Variants in DECR1 observed in about 807,000 individuals in gnomAD.
DECR1 encodes 2,4-dienoyl-CoA reductase [(3E)-enoyl-CoA-producing], mitochondrial.
In DECR1, 44 loss-of-function variants were observed where a neutral mutation model predicts 38.8. The observed-to-expected ratio is 1.13, with a 90% CI of 0.89 to 1.46. DECR1 has a LOEUF of 1.46. DECR1 is among the 40% of genes most tolerant of loss of function. The pLI is 0.00. For synonymous variants in DECR1, 148 were observed against 135.2 expected (o/e 1.09, Z -0.66); for missense variants, 428 against 405.5 (o/e 1.06, Z -0.48).
intron 1 of DECR1, among the ~76,000 whole-genome samples, chr8:90,008,944 G>A (rs574071632): frequency 1.3e-5 from 2 of 152,278 alleles, no homozygotes; most frequent in East Asian, 1.9e-4. Flanking sequence ...TGCCTGGCTT[G>A]TTATACAAGT....
chr8:90,014,313 A>G (rs1441144265), intron 1 of DECR1, among the ~76,000 whole-genome samples: 2 of 152,214 alleles, frequency 1.3e-5, no homozygotes, highest in Non-Finnish European at 2.9e-5. Context: ...ATTGAATATG[A>G]TGTGATCCTG....
chr8:90,032,238 C>T (rs1813514020), intron 5 of DECR1, among the ~76,000 whole-genome samples: 1 of 152,098 alleles, frequency 6.6e-6, no homozygotes, highest in Admixed American at 6.6e-5. Flanking sequence ...TTCATGGTTA[C>T]TGTCAGCTTA....
intron 1 of DECR1, among the ~76,000 whole-genome samples, chr8:90,013,798 A>G (rs915933444): frequency 6.6e-6 from 1 of 152,226 alleles, no homozygotes; most frequent in Admixed American, 6.5e-5. Context: ...AAATATACTT[A>G]AGTAATTTAG....
intron 8 of DECR1, among the ~76,000 whole-genome samples, chr8:90,047,731 AT>A (rs1749840448): frequency 6.6e-6 from 1 of 152,252 alleles, no homozygotes; most frequent in Non-Finnish European, 1.5e-5. Context: ...CAGAATATAT[AT>A]TCTTTTTAGC....
At chr8:90,006,151 A>AC in intron 1 of DECR1, 1 of 699,616 alleles carries the variant, frequency 1.4e-6, no homozygotes, top group South Asian at 1.5e-5. Flanking sequence ...TTCAAGGGAC[A>AC]AACATCCAAA....
chr8:90,045,043 G>C, intron 8 of DECR1, 48 bp downstream of exon 8: 1 of 1,605,374 alleles, frequency 6.2e-7, no homozygotes, highest in Non-Finnish European at 8.5e-7. Flanking sequence ...AGTGTGTTTG[G>C]GGCAGGGAGG....
intron 5 of DECR1, among the ~76,000 whole-genome samples, chr8:90,032,879 A>G (rs1481828066): frequency 2.0e-5 from 3 of 152,208 alleles, no homozygotes; most frequent in Non-Finnish European, 4.4e-5. Context: ...ATACACAGCT[A>G]GTAAATGGCA....
At chr8:90,025,104 A>G (rs866945874) in intron 5 of DECR1, among the ~76,000 whole-genome samples, 3 of 152,310 alleles carry the variant, frequency 2.0e-5, no homozygotes, top group Middle Eastern at 3.4e-3. Flanking sequence ...TACCAGTACC[A>G]TGCTGTTTTG....
chr8:90,037,909 A>G (rs1418105123), intron 6 of DECR1, among the ~76,000 whole-genome samples: 1 of 152,122 alleles, frequency 6.6e-6, no homozygotes, highest in Non-Finnish European at 1.5e-5. Flanking sequence ...TTTTCACCAG[A>G]ATTATCTTTC....
intron 1 of DECR1, among the ~76,000 whole-genome samples, chr8:90,010,632 G>A (rs1018320373): frequency 8.5e-5 from 13 of 152,166 alleles, no homozygotes; most frequent in African/African-American, 3.1e-4. Flanking sequence ...GTTTAATATG[G>A]CAGTTAGGGC....
intron 7 of DECR1, 69 bp downstream of exon 7, chr8:90,042,869 G>T (rs771847307): frequency 1.0e-5 from 14 of 1,369,940 alleles, no homozygotes; most frequent in Non-Finnish European, 1.4e-5. Flanking sequence ...GGTATATTCT[G>T]GTTGTTGTGT....
At chr8:90,047,224 A>G (rs1352858167) in intron 8 of DECR1, among the ~76,000 whole-genome samples, 1 of 152,234 alleles carries the variant, frequency 6.6e-6, no homozygotes, top group Non-Finnish European at 1.5e-5. Flanking sequence ...TCCAATTAAA[A>G]GACACAGACT....
In DECR1 at chr8:90,020,932, G is replaced by C; in HGVS notation, c.441G>C (p.Gly147=). The change falls in exon 5 of 10, where the codon GGG becomes GGC. Residue 147 remains glycine, a synonymous_variant. Transcript: ENST00000220764. ...HPNIVINNAA[G]NFISPTERLS... is the part of the protein sequence containing the mutation. ...AGATTGTGATAAACAATGCAGCAGGGAATTTTATTTCTCCTACTGAAAGAC... is the reference window on the plus strand; with the variant it reads ...AGATTGTGATAAACAATGCAGCAGGCAATTTTATTTCTCCTACTGAAAGAC... The C allele has an allele frequency of 6.3e-7, 1 of 1,577,856 alleles. No individual in the cohort carries two copies. The highest frequency in any genetic ancestry group is 8.6e-7 in the Non-Finnish European group (1 of 1,166,754).
In DECR1 at chr8:90,051,863, T is replaced by C. The variant is rs762323323; in HGVS notation, c.974T>C (p.Ile325Thr). 1.2e-5 allele frequency: 20 copies of C among 1,613,766 alleles called. No homozygotes were observed. Among genetic ancestry groups the C allele is most frequent in the African/African-American group, 5.3e-5 (4 of 74,896 alleles). The change falls in exon 10 of 10, where the codon ATA becomes ACA. Residue 325 changes from isoleucine to threonine, a missense_variant. Coordinates refer to ENST00000220764, the MANE Select transcript of DECR1 (RefSeq NM_001359.2). Reference sequence around the variant, plus strand: ...GTCACCAAGGAGCAGTGGGACACCATAGAAGAACTCATCAGGAAGACAAAA... The same window carrying C: ...GTCACCAAGGAGCAGTGGGACACCACAGAAGAACTCATCAGGAAGACAAAA... ...RKVTKEQWDT[I>T]EELIRKTKGS
chr8:90,011,363 AAC>A (rs1409949311), intron 1 of DECR1, among the ~76,000 whole-genome samples: 1 of 152,222 alleles, frequency 6.6e-6, no homozygotes, highest in African/African-American at 2.4e-5. Context: ...CCCCTAAGGA[AAC>A]ACACATAGAT....
rs750666123 is a variant in DECR1 at position 90,042,808 on chromosome 8, G to A, written c.738+8G>A. ...GGGCCTATAAAAACCAAAGTAAGTTGTATTTTGCTTGTTATCACATTGTGA... is the reference window on the plus strand; with the variant it reads ...GGGCCTATAAAAACCAAAGTAAGTTATATTTTGCTTGTTATCACATTGTGA... On this transcript the variant is annotated splice_region_variant and intron_variant, in intron 7 of 9. Transcript: ENST00000220764. 1 of 1,608,956 alleles carries A rather than the reference G, an allele frequency of 6.2e-7. No homozygotes were observed. Among genetic ancestry groups the A allele is most frequent in the Non-Finnish European group, 8.5e-7 (1 of 1,175,518 alleles).
chr8:90,038,950 A>G (rs1813683561), intron 6 of DECR1, among the ~76,000 whole-genome samples: 2 of 152,130 alleles, frequency 1.3e-5, no homozygotes, highest in South Asian at 2.1e-4. Context: ...CAATGTCAAT[A>G]TTTGTTTTGT....
At chr8:90,010,647 T>A (rs1563617614) in intron 1 of DECR1, among the ~76,000 whole-genome samples, 1 of 152,240 alleles carries the variant, frequency 6.6e-6, no homozygotes, top group Admixed American at 6.5e-5. Context: ...TAGGGCCCAG[T>A]CTGCAAAACT....
chr8:90,029,183 T>A (rs1324674589), intron 5 of DECR1: 1 of 152,176 alleles, frequency 6.6e-6, no homozygotes, highest in East Asian at 1.9e-4. Flanking sequence ...AGCTTTTTCA[T>A]CTATAAAATA....
Sources: gnomAD v4.1 joint callset for allele counts (sites outside exome capture counted in the v4.1 genomes callset) on GRCh38, gnomAD v4.1.1 for gene constraint, MANE v1.5 for transcripts, NCBI Gene and HGNC (gene_info 2026-07-23, HGNC 2026-07-21) for gene names.